ZNF91: variants seen among roughly 807,000 people sequenced by gnomAD.
ZNF91 encodes the protein zinc finger protein 91, also known as zinc finger protein 91 (HPF7, HTF10).
In ZNF91, 7 loss-of-function variants were observed where a neutral mutation model predicts 12.6. The ratio of observed to expected loss-of-function variants is 0.55; its 90% CI spans 0.31 to 1.04. The LOEUF (loss-of-function observed/expected upper bound fraction) is 1.04, where lower values mean the gene tolerates loss of function less well. ZNF91 is among the 50% of genes least tolerant of loss of function. The pLI is 0.05. For missense variants in ZNF91, 1,217 were observed against 1,385.4 expected, an observed-to-expected ratio of 0.88 and a Z score of 1.93; for synonymous variants, 453 against 462.6, an observed-to-expected ratio of 0.98 and a Z score of 0.27.
In ZNF91 at chr19:23,362,590, T is replaced by G. The variant is rs1448719789; in HGVS notation, c.389A>C (p.Asp130Ala). 6.2e-7 allele frequency: 1 copy of G among 1,601,714 alleles called. No individual in the cohort carries two copies. The highest frequency in any genetic ancestry group is 8.5e-7 in the Non-Finnish European group (1 of 1,176,134). The change falls in exon 4 of 4, where the codon GAT (aspartate) becomes GCT (alanine). Residue 130 changes from aspartate to alanine, a missense_variant. By Grantham distance (126) the Asp-to-Ala change is moderately radical. This residue lies in a region of ZNF91 where 726 missense variants were observed against 895.5 expected (regional missense o/e 0.81). Coordinates refer to ENST00000300619, the MANE Select transcript of ZNF91 (RefSeq NM_003430.4). ...LQLRKGCKSV[D>A]ECKVHKEGYN... The stretch of plus-strand genomic sequence containing the variant: ...ACCTTCTTTGTGCACCTTACACTCA[T>G]CCACACTTTTACAACCTTTTCTTAA...
chr19:23,335,152 C>T (rs191423252), downstream of ZNF91, among the ~76,000 whole-genome samples: 1 of 152,188 alleles, frequency 6.6e-6, no homozygotes, highest in Non-Finnish European at 1.5e-5. Context: ...TATTGCAGAA[C>T]AGCAAATGTT....
At chr19:23,323,897 CCTCT>C (rs1568368477) in intron 1 of ZNF91, 10 of 148,066 alleles carry the variant, frequency 6.8e-5, no homozygotes, top group African/African-American at 2.3e-4. Flanking sequence ...CTCCTCCTCT[CCTCT>C]TTCTCCACTC....
At position 23,362,728 on chromosome 19, in the gene ZNF91, GA is replaced by G. The variant is rs367873073; in HGVS notation, c.254-4del. ...TTGAGGAAAATGAGGACATATACCT[GA>G]AAAAAAAAAACTAAAAATAATAAAT... On this transcript the variant is annotated splice_region_variant and splice_polypyrimidine_tract_variant and intron_variant, in intron 3 of 3. Transcript: ENST00000300619. 1,241 of 1,168,942 alleles carry G rather than the reference GA, an allele frequency of 1.1e-3. No homozygotes were observed. Among genetic ancestry groups the G allele is most frequent in the South Asian group, 2.8e-3 (110 of 39,918 alleles). The allele number at this position is 1,168,942 out of a possible 1,614,324, so 72.4% of individuals were successfully genotyped here.
intron 1 of ZNF91, among the ~76,000 whole-genome samples, chr19:23,387,961 A>G (rs1252878875): frequency 1.4e-5 from 2 of 143,106 alleles, no homozygotes; most frequent in Admixed American, 1.4e-4. Flanking sequence ...AAAAAAAAAA[A>G]AAGGCCAGGC....
At chr19:23,329,920 C>A (rs1411783351) in intron 1 of ZNF91, among the ~76,000 whole-genome samples, 1 of 152,296 alleles carries the variant, frequency 6.6e-6, no homozygotes, top group East Asian at 1.9e-4. Context: ...AGCGAGTGAC[C>A]ATCTTCTACC....
chr19:23,348,285 G>T (rs1188953369), intron 3 of ZNF91, among the ~76,000 whole-genome samples: 1 of 152,182 alleles, frequency 6.6e-6, no homozygotes, highest in Non-Finnish European at 1.5e-5. Context: ...GAATGTTGCG[G>T]GAAGTCAGGG....
intron 1 of ZNF91, among the ~76,000 whole-genome samples, chr19:23,322,271 G>T (rs776214015): frequency 6.6e-5 from 10 of 152,120 alleles, no homozygotes; most frequent in Non-Finnish European, 1.5e-4. Flanking sequence ...CTTCCTCTCA[G>T]AAAGTATTGT....
chr19:23,373,339 T>C (rs1969356566), intron 3 of ZNF91, among the ~76,000 whole-genome samples: 2 of 131,350 alleles, frequency 1.5e-5, no homozygotes, highest in East Asian at 4.5e-4. Context: ...TTGTAGATCA[T>C]GTAATCTTAT....
chr19:23,324,662 A>T (rs961919942), intron 1 of ZNF91: 1 of 151,744 alleles, frequency 6.6e-6, no homozygotes, highest in South Asian at 2.1e-4. Flanking sequence ...CAAGATTATG[A>T]CTCACTGTAG....
chr19:23,390,662 A>C (rs964370154), intron 1 of ZNF91, among the ~76,000 whole-genome samples: 4 of 151,920 alleles, frequency 2.6e-5, no homozygotes, highest in African/African-American at 9.7e-5. Flanking sequence ...TGGGCCAAGC[A>C]ATACTCTTGT....
At chr19:23,374,422 T>C (rs775227802) in intron 2 of ZNF91, among the ~76,000 whole-genome samples, 4 of 138,428 alleles carry the variant, frequency 2.9e-5, no homozygotes, top group African/African-American at 1.1e-4. Flanking sequence ...TAGCCGGGCA[T>C]GGTGGTGGGC....
intron 3 of ZNF91, among the ~76,000 whole-genome samples, chr19:23,368,510 A>ATCTCTCTCTCTCTCTCTC (rs573590418): frequency 4.2e-5 from 4 of 94,274 alleles, no homozygotes; most frequent in Non-Finnish European, 8.0e-5. Flanking sequence ...GCGAAACTCC[A>ATCTCTCTCTCTCTCTCTC]TCTCTCTCTC....
rs191015783 is a variant in ZNF91, at chr19:23,368,599, C to T, written c.253+5143G>A. Among the ~76,000 whole-genome samples the T allele has an allele frequency of 3.9e-3, 564 of 143,882 alleles. 10 individuals carry two copies. Among genetic ancestry groups the T allele is most frequent in the African/African-American group, 0.014 (543 of 38,898 alleles). The allele number at this position is 143,882 out of a possible 152,430, so 94.4% of individuals were successfully genotyped here. ...GAAACACATGACATTAGTCTTGGTG[C>T]CAAATTCTTAGATACAACATTAAAT... On this transcript the variant is annotated intron_variant, in intron 3 of 3. Transcript: ENST00000300619.
At chr19:23,386,201 A>G (rs1207850046) in intron 1 of ZNF91, among the ~76,000 whole-genome samples, 1 of 152,184 alleles carries the variant, frequency 6.6e-6, no homozygotes, top group East Asian at 1.9e-4. Flanking sequence ...TCATAAATAG[A>G]AAAAATCAAT....
chr19:23,373,358 A>G (rs1217240447), intron 3 of ZNF91, among the ~76,000 whole-genome samples: 2 of 54,548 alleles, frequency 3.7e-5, no homozygotes, highest in East Asian at 1.1e-3. Flanking sequence ...ATATATATAT[A>G]TATATATATA....
chr19:23,348,567 T>C (rs1406818150), intron 3 of ZNF91, among the ~76,000 whole-genome samples: 1 of 152,228 alleles, frequency 6.6e-6, no homozygotes, highest in Non-Finnish European at 1.5e-5. Flanking sequence ...GACCCTGTGA[T>C]GATTGAGTTA....
chr19:23,309,662 TGC>T (rs1294711068), intron 1 of ZNF91, among the ~76,000 whole-genome samples: 1 of 152,160 alleles, frequency 6.6e-6, no homozygotes, highest in African/African-American at 2.4e-5. Flanking sequence ...AGTGCACAGG[TGC>T]AATAATGACT....
intron 1 of ZNF91, chr19:23,323,847 TTCC>T (rs200299742): frequency 0.032 from 4,328 of 137,202 alleles, 92 homozygotes; most frequent in Non-Finnish European, 0.042. Context: ...TCCCATCCTT[TTCC>T]TCCTCCTATT....
At chr19:23,327,958 G>A (rs1202515315) in intron 1 of ZNF91, 1 of 152,042 alleles carries the variant, frequency 6.6e-6, no homozygotes, top group Non-Finnish European at 1.5e-5. Context: ...AAAGCTTAAG[G>A]TTTCACAACT....
Sources: allele counts gnomAD v4.1 joint callset (sites outside exome capture counted in the v4.1 genomes callset), GRCh38; gene constraint gnomAD v4.1.1; regional missense constraint gnomAD v4.1.1; transcripts MANE v1.5; gene names NCBI Gene and HGNC (gene_info 2026-07-23, HGNC 2026-07-21).